RDH13: variants seen among roughly 807,000 people sequenced by gnomAD.
RDH13 encodes the protein retinol dehydrogenase 13, also known as retinol dehydrogenase 13 (all-trans and 9-cis).
In RDH13, 35 loss-of-function variants were observed where a neutral mutation model predicts 28.3. The observed-to-expected ratio is 1.24, with a 90% CI of 0.95 to 1.64. The LOEUF is 1.64. Among genes scored for constraint, RDH13 ranks in the 40% most tolerant of loss-of-function variants. The probability of loss-of-function intolerance (pLI) is 0.00; values close to 1 mark genes in which losing one functional copy is unlikely to be tolerated. For synonymous variants in RDH13, 229 were observed against 198.5 expected (o/e 1.15, Z -1.29); for missense variants, 514 against 446.3 (o/e 1.15, Z -1.37).
chr19:55,056,435 C>T (rs1261715277), intron 3 of RDH13, among the ~76,000 whole-genome samples: 1 of 151,356 alleles, frequency 6.6e-6, no homozygotes, highest in Non-Finnish European at 1.5e-5. Context: ...TCAGCCTGGC[C>T]GACAGAGTGA....
Position 55,059,237 on chromosome 19 carries a change from G to A in RDH13, c.104C>T (p.Thr35Ile). Residue 35 changes from threonine to isoleucine, a missense_variant, in exon 2 of 7, where the codon ACC becomes ATC. Thr to Ile is a moderately conservative substitution (Grantham distance 89). Transcript: ENST00000415061. Reference sequence around the variant, plus strand: ...CACGATGACCGTCTTCCCAGGGATGGTGGCCTTGCTGGGGCAAGCCCCACC... The same window carrying A: ...CACGATGACCGTCTTCCCAGGGATGATGGCCTTGCTGGGGCAAGCCCCACC... ...VTGGACPSKA[T>I]IPGKTVIVTG... 6.2e-7 allele frequency: 1 copy of A among 1,604,864 alleles called. No homozygotes were observed.
chr19:55,063,212 G>T, upstream of RDH13: 1 of 462,768 alleles, frequency 2.2e-6, no homozygotes, highest in South Asian at 5.1e-5. Context: ...GGAGGGGGCG[G>T]GGATCCTAGG....
chr19:55,056,137 G>C (rs147161892), intron 3 of RDH13, among the ~76,000 whole-genome samples: 1 of 151,950 alleles, frequency 6.6e-6, no homozygotes, highest in South Asian at 2.1e-4. Context: ...CTGGGCAACA[G>C]AGCGAGACCC....
chr19:55,044,361 GTC>G lies in RDH13; in HGVS notation c.*711_*712del, dbSNP rs1332698174. 1.3e-5 allele frequency: 2 copies of G among 151,910 alleles called. No homozygotes were observed. The highest frequency in any genetic ancestry group is 2.9e-5 in the Non-Finnish European group (2 of 68,030). The allele number at this position is 151,910 out of a possible 1,614,324, so 9.4% of individuals were successfully genotyped here. Reference sequence around the variant, plus strand: ...TTCTTTTAAATGAGCAAGTTTGAGAGTCTGCAGTTTGGACTACCATGAGAATT... The same window carrying G: ...TTCTTTTAAATGAGCAAGTTTGAGAGTGCAGTTTGGACTACCATGAGAATT... On this transcript the variant is annotated 3_prime_UTR_variant, in exon 7 of 7. Transcript: ENST00000415061.
upstream of RDH13, among the ~76,000 whole-genome samples, chr19:55,065,864 C>T (rs2075950524): frequency 6.6e-6 from 1 of 152,120 alleles, no homozygotes; most frequent in Non-Finnish European, 1.5e-5. Flanking sequence ...ATTACAGGCG[C>T]TCGCCGCCAC....
chr19:55,043,574 A>G (rs2075100969), downstream of RDH13, among the ~76,000 whole-genome samples: 1 of 151,794 alleles, frequency 6.6e-6, no homozygotes, highest in Admixed American at 6.6e-5. Flanking sequence ...AGGCTGAGGC[A>G]TGAGAATCGC....
chr19:55,055,730 G>A (rs1317055302), intron 3 of RDH13, among the ~76,000 whole-genome samples: 4 of 151,966 alleles, frequency 2.6e-5, no homozygotes, highest in South Asian at 2.1e-4. Context: ...GCGTATGCCT[G>A]TACTCCCAGC....
In RDH13 at chr19:55,046,988, A is replaced by G. The variant is rs114334425; in HGVS notation, c.760+399T>C. On this transcript the variant is annotated intron_variant, in intron 6 of 6. Transcript: ENST00000415061. The stretch of plus-strand genomic sequence containing the variant: ...AAGGAAGGTCTCGTATAACCCCCCC[A>G]GTGACTGTGAGGTGAGTCCTATTAA... 1,934 of 319,956 alleles carry G rather than the reference A, an allele frequency of 6.0e-3. 34 individuals are homozygous for G. Among genetic ancestry groups the G allele is most frequent in the African/African-American group, 0.037 (1,711 of 45,806 alleles). 19.8% of individuals were successfully genotyped at this position (319,956 alleles called of 1,614,324 possible). A position where few individuals can be genotyped will look rare whatever the true frequency, so the allele number is the denominator to read the frequency against.
upstream of RDH13, among the ~76,000 whole-genome samples, chr19:55,065,890 G>A (rs2147091830): frequency 6.6e-6 from 1 of 152,234 alleles, no homozygotes; most frequent in Non-Finnish European, 1.5e-5. Context: ...GCTGATTTTT[G>A]TATTTTTAGT....
At chr19:55,065,568 A>T (rs1268990887), upstream of RDH13, among the ~76,000 whole-genome samples, 3 of 151,630 alleles carry the variant, frequency 2.0e-5, no homozygotes. Flanking sequence ...ACAAACAGCC[A>T]GATAGTAAAT....
At chr19:55,043,691 G>C (rs1022798185), downstream of RDH13, among the ~76,000 whole-genome samples, 1 of 152,058 alleles carries the variant, frequency 6.6e-6, no homozygotes, top group Admixed American at 6.6e-5. Flanking sequence ...GTGGGATATT[G>C]AGTAGCATCC....
At chr19:55,060,644 C>A (rs2075781612) in intron 1 of RDH13, among the ~76,000 whole-genome samples, 1 of 152,074 alleles carries the variant, frequency 6.6e-6, no homozygotes, top group South Asian at 2.1e-4. Context: ...CTCGTCCCAC[C>A]CAACTAGAAA....
At chr19:55,062,198 T>C (rs1306381141) in intron 1 of RDH13, among the ~76,000 whole-genome samples, 2 of 146,814 alleles carry the variant, frequency 1.4e-5, no homozygotes, top group Non-Finnish European at 3.0e-5. Context: ...CTTCCGAGGA[T>C]TAGGACGTGG....
chr19:55,045,001 G>A lies in RDH13; in HGVS notation c.*73C>T, dbSNP rs757225169. On this transcript the variant is annotated 3_prime_UTR_variant, in exon 7 of 7. Coordinates refer to ENST00000415061, the MANE Select transcript of RDH13 (RefSeq NM_001145971.2). Reference sequence around the variant, plus strand: ...GGTCTCCCGGCTCAGGTAGTGCCAGGAAGCTGCGGGCATGGCGGACAGCTG... The same window carrying A: ...GGTCTCCCGGCTCAGGTAGTGCCAGAAAGCTGCGGGCATGGCGGACAGCTG... 441 of 1,163,234 alleles carry A rather than the reference G, an allele frequency of 3.8e-4. 1 individual carries two copies. The highest frequency in any genetic ancestry group is 5.3e-4 in the Non-Finnish European group (429 of 815,476). The allele number at this position is 1,163,234 out of a possible 1,614,324, so 72.1% of individuals were successfully genotyped here.
At chr19:55,052,523 C>T (rs1449115601) in intron 3 of RDH13, among the ~76,000 whole-genome samples, 1 of 144,414 alleles carries the variant, frequency 6.9e-6, no homozygotes, top group Admixed American at 7.0e-5. Context: ...GCCTGGGCAA[C>T]AAGAGCAAAA....
chr19:55,061,615 C>T (rs1224651422), intron 1 of RDH13, among the ~76,000 whole-genome samples: 1 of 150,740 alleles, frequency 6.6e-6, no homozygotes, highest in Non-Finnish European at 1.5e-5. Context: ...AACATGCTGA[C>T]ACCCCATCTC....
chr19:55,052,248 A>G (rs904919362), intron 3 of RDH13, among the ~76,000 whole-genome samples: 10 of 151,474 alleles, frequency 6.6e-5, no homozygotes, highest in African/African-American at 2.4e-4. Context: ...GTCTCTACCT[A>G]AAACAAAAAA....
In RDH13 at chr19:55,044,953, G is replaced by T; in HGVS notation, c.*121C>A. Reference sequence around the variant, plus strand: ...AGCACCGCCCCCTAGAACCTACTGCGGGCATGGCGGCCGCCAGTCCTGGGT... The same window carrying T: ...AGCACCGCCCCCTAGAACCTACTGCTGGCATGGCGGCCGCCAGTCCTGGGT... On this transcript the variant is annotated 3_prime_UTR_variant, in exon 7 of 7. Transcript: ENST00000415061. The T allele has an allele frequency of 1.4e-6, 1 of 711,018 alleles. No individual in the cohort carries two copies. Among genetic ancestry groups the T allele is most frequent in the Non-Finnish European group, 2.3e-6 (1 of 431,484 alleles). The allele number at this position is 711,018 out of a possible 1,614,324, so 44.0% of individuals were successfully genotyped here.
chr19:55,059,295 C>T lies in RDH13; in HGVS notation c.66-20G>A, dbSNP rs537923298. The T allele has an allele frequency of 1.0e-5, 16 of 1,527,312 alleles. No individual in the cohort carries two copies. The highest frequency in any genetic ancestry group is 7.2e-5 in the East Asian group (3 of 41,838). 94.6% of individuals were successfully genotyped at this position (1,527,312 alleles called of 1,614,324 possible). On this transcript the variant is annotated intron_variant, in intron 1 of 6. Coordinates refer to ENST00000415061, the MANE Select transcript of RDH13 (RefSeq NM_001145971.2). ...TAGTCCCTGAGGGTGAGAAGCGGCA[C>T]GGTCAGTCCTGTGGGCCCACTCTCA...
Sources: gnomAD v4.1 joint callset for allele counts (sites outside exome capture counted in the v4.1 genomes callset) on GRCh38, gnomAD v4.1.1 for gene constraint, MANE v1.5 for transcripts, NCBI Gene and HGNC (gene_info 2026-07-23, HGNC 2026-07-21) for gene names.